EFCAB7: variants seen among roughly 807,000 people sequenced by gnomAD.
EFCAB7 encodes the protein EF-hand calcium binding domain 7, also known as EF-hand calcium-binding domain-containing protein 7.
In EFCAB7, 66 loss-of-function variants were observed where a neutral mutation model predicts 77.1. That is an observed-to-expected ratio of 0.86 (90% CI 0.70 to 1.05). The LOEUF (loss-of-function observed/expected upper bound fraction) is 1.05. EFCAB7 is among the 50% of genes least tolerant of loss of function. The pLI is 0.00. For synonymous variants in EFCAB7, 225 were observed against 243.3 expected (o/e 0.92, Z 0.70); for missense variants, 638 against 730.5 (o/e 0.87, Z 1.46).
At chr1:63,553,025 G>C (rs1306833813) in intron 8 of EFCAB7, among the ~76,000 whole-genome samples, 2 of 152,142 alleles carry the variant, frequency 1.3e-5, no homozygotes, top group African/African-American at 4.8e-5. Context: ...AATTATAATA[G>C]AGTTTGCATG....
Position 63,539,377 on chromosome 1 carries a change from C to T in EFCAB7, c.804+5161C>T, listed in dbSNP as rs1001029063. Among the ~76,000 whole-genome samples the T allele has an allele frequency of 4.6e-5, 7 of 152,118 alleles. No homozygotes were observed. In the East Asian group the frequency reaches 1.4e-3, roughly 29 times the overall value. On this transcript the variant is annotated intron_variant, in intron 6 of 13. Coordinates refer to ENST00000371088, the MANE Select transcript of EFCAB7 (RefSeq NM_032437.4). ...ATTCTACATTTTTAAAGTAAGAAAA[C>T]CAAATAATTAAGTTTATCTTAACCC...
At chr1:63,582,087 C>T in the EFCAB7 span, among the ~76,000 whole-genome samples, 3 of 152,212 alleles carry the variant, frequency 2.0e-5, no homozygotes, top group African/African-American at 7.2e-5. Context: ...ACTGAAAACA[C>T]TGCATGCTGT....
intron 6 of EFCAB7, among the ~76,000 whole-genome samples, chr1:63,536,173 G>T (rs1003473100): frequency 2.6e-5 from 4 of 152,118 alleles, no homozygotes; most frequent in African/African-American, 9.7e-5. Flanking sequence ...TTAATACTGT[G>T]AGTTTCATAT....
rs201443457 is a variant in EFCAB7, at chr1:63,525,546, C to A, written c.-1-26C>A. 716 of 1,440,440 alleles carry A rather than the reference C, an allele frequency of 5.0e-4. 3 individuals are homozygous for A. In the African/African-American group the frequency reaches 9.9e-3, roughly 20 times the overall value. 89.2% of individuals were successfully genotyped at this position (1,440,440 alleles called of 1,614,324 possible). ...TGTTTTAGTGACTCACATTGACAAA[C>A]ACATTTTTAAATTATTTTCCAATAG... On this transcript the variant is annotated intron_variant, in intron 1 of 13. Coordinates refer to ENST00000371088, the MANE Select transcript of EFCAB7 (RefSeq NM_032437.4).
chr1:63,532,120 A>G (rs1646704987), intron 3 of EFCAB7, 89 bp downstream of exon 3: 1 of 947,248 alleles, frequency 1.1e-6, no homozygotes, highest in South Asian at 1.5e-5. Context: ...CATTAAAAAT[A>G]AGTATTTCAT....
At position 63,568,424 on chromosome 1, in the gene EFCAB7, A is replaced by T; in HGVS notation, c.1612A>T (p.Ser538Cys). 6.3e-7 allele frequency: 1 copy of T among 1,589,164 alleles called. No individual in the cohort carries two copies. Among genetic ancestry groups the T allele is most frequent in the Non-Finnish European group, 8.5e-7 (1 of 1,169,996 alleles). ...LEKAICKSVLSNGDAKVMDGY... is the reference protein window; with the variant it reads ...LEKAICKSVLCNGDAKVMDGY... Reference sequence around the variant, plus strand: ...GAAGGCCATTTGTAAATCTGTTCTTAGCAACGGTGATGCCAAAGTAATGGA... The same window carrying T: ...GAAGGCCATTTGTAAATCTGTTCTTTGCAACGGTGATGCCAAAGTAATGGA... Residue 538 changes from serine to cysteine, a missense_variant, in exon 12 of 14, where the codon AGC (serine) becomes TGC (cysteine). Coordinates refer to ENST00000371088, the MANE Select transcript of EFCAB7 (RefSeq NM_032437.4).
chr1:63,547,320 T>G (rs1037240076), intron 7 of EFCAB7: 1 of 152,006 alleles, frequency 6.6e-6, no homozygotes, highest in Non-Finnish European at 1.5e-5. Flanking sequence ...TACATTAGAG[T>G]TAAAAAAAGA....
intron 9 of EFCAB7, 120 bp downstream of exon 9, chr1:63,555,635 AC>A (rs1647022055): frequency 1.4e-5 from 11 of 788,306 alleles, no homozygotes; most frequent in Non-Finnish European, 2.1e-5. Context: ...CACCAATTCA[AC>A]TCTTGTGAAC....
intron 7 of EFCAB7, among the ~76,000 whole-genome samples, chr1:63,546,667 C>T (rs1237936420): frequency 1.3e-5 from 2 of 152,284 alleles, no homozygotes; most frequent in East Asian, 3.9e-4. Flanking sequence ...CATGCCCAGC[C>T]AGAACTAAGT....
chr1:63,536,582 T>C (rs968657487), intron 6 of EFCAB7: 31 of 152,284 alleles, frequency 2.0e-4, no homozygotes, highest in Admixed American at 1.9e-3. Flanking sequence ...GGTTTCACCA[T>C]GTTGGCCAGG....
intron 2 of EFCAB7, among the ~76,000 whole-genome samples, chr1:63,528,611 C>A (rs952909968): frequency 6.6e-6 from 1 of 151,928 alleles, no homozygotes; most frequent in Non-Finnish European, 1.5e-5. Flanking sequence ...CTTGAGGCAA[C>A]AGATACCCTA....
chr1:63,540,427 C>T (rs1646814758), intron 6 of EFCAB7, among the ~76,000 whole-genome samples: 1 of 150,298 alleles, frequency 6.7e-6, no homozygotes, highest in Admixed American at 6.6e-5. Flanking sequence ...CTTTGAACCT[C>T]ATTGTATCAC....
chr1:63,546,101 C>T, intron 7 of EFCAB7, 44 bp downstream of exon 7: 1 of 1,588,660 alleles, frequency 6.3e-7, no homozygotes, highest in Non-Finnish European at 8.6e-7. Context: ...TCAATTTGTA[C>T]CCTCCTTGAA....
At chr1:63,531,232 C>A (rs75679041) in intron 2 of EFCAB7, among the ~76,000 whole-genome samples, 2 of 151,896 alleles carry the variant, frequency 1.3e-5, no homozygotes, top group South Asian at 2.1e-4. Flanking sequence ...TTCTCTACTT[C>A]TAGGATATTA....
intron 10 of EFCAB7, among the ~76,000 whole-genome samples, chr1:63,561,324 TG>T (rs1281478828): frequency 1.3e-5 from 2 of 152,352 alleles, no homozygotes; most frequent in African/African-American, 4.8e-5. Flanking sequence ...CAGTTTCTGC[TG>T]GCTTTAAGTG....
At chr1:63,538,376 C>A (rs1420600954) in intron 6 of EFCAB7, among the ~76,000 whole-genome samples, 2 of 151,956 alleles carry the variant, frequency 1.3e-5, no homozygotes, top group Non-Finnish European at 2.9e-5. Flanking sequence ...TCTTTTAGTT[C>A]ATAACATTTT....
intron 12 of EFCAB7, chr1:63,569,991 T>C (rs1647218224): frequency 6.6e-6 from 1 of 152,218 alleles, no homozygotes; most frequent in Non-Finnish European, 1.5e-5. Flanking sequence ...AAAATTCAAC[T>C]CTCTTCACCA....
chr1:63,579,708 C>A, the EFCAB7 span, among the ~76,000 whole-genome samples: 2 of 152,074 alleles, frequency 1.3e-5, no homozygotes, highest in Non-Finnish European at 2.9e-5. Flanking sequence ...TATCAGTACT[C>A]GGTATTGTCT....
downstream of EFCAB7, among the ~76,000 whole-genome samples, chr1:63,573,864 A>G (rs539353627): frequency 6.5e-5 from 9 of 137,544 alleles, no homozygotes; most frequent in East Asian, 1.6e-3. Context: ...GAGCTTGGTG[A>G]GGTGTTTTTT....
Sources: allele counts gnomAD v4.1 joint callset (sites outside exome capture counted in the v4.1 genomes callset), GRCh38; gene constraint gnomAD v4.1.1; transcripts MANE v1.5; gene names NCBI Gene and HGNC (gene_info 2026-07-23, HGNC 2026-07-21).